The following CHCHD3 variants were observed in gnomAD, a reference collection of about 807,000 sequenced individuals.
CHCHD3 encodes coiled-coil-helix-coiled-coil-helix domain containing 3, also known as MICOS complex subunit MIC19.
In CHCHD3, 20 loss-of-function variants were observed where a neutral mutation model predicts 38.2. The ratio of observed to expected loss-of-function variants is 0.52; its 90% CI spans 0.37 to 0.76. The LOEUF (loss-of-function observed/expected upper bound fraction) is 0.76, where lower values mean the gene tolerates loss of function less well. Ranked by LOEUF, CHCHD3 falls within the 30% of genes least tolerant of loss-of-function variation. The probability of loss-of-function intolerance (pLI) is 0.00; values close to 1 mark genes in which losing one functional copy is unlikely to be tolerated. For synonymous variants in CHCHD3, 82 were observed against 100.0 expected (o/e 0.82, Z 1.07); for missense variants, 245 against 279.2 (o/e 0.88, Z 0.87).
Position 132,970,812 on chromosome 7 carries a change from G to A in CHCHD3, c.369+4357C>T, listed in dbSNP as rs571035107. Reference sequence around the variant, plus strand: ...AGAAAATACTACATAGTTCTGTGATGATAACAAGAAATATGTGGCTGGGCA... The same window carrying A: ...AGAAAATACTACATAGTTCTGTGATAATAACAAGAAATATGTGGCTGGGCA... On this transcript the variant is annotated intron_variant, in intron 4 of 7. Transcript: ENST00000262570. Among the ~76,000 whole-genome samples the A allele has an allele frequency of 5.9e-5, 9 of 152,070 alleles. No homozygotes were observed. The East Asian group carries it at 1.5e-3, about 26-fold the overall frequency.
chr7:132,898,417 C>A (rs930487435), intron 4 of CHCHD3, among the ~76,000 whole-genome samples: 3 of 152,188 alleles, frequency 2.0e-5, no homozygotes, highest in African/African-American at 7.2e-5. Flanking sequence ...AGTGTGGACA[C>A]AAAGGTTCTC....
chr7:132,872,783 T>C (rs1036371431), intron 5 of CHCHD3, among the ~76,000 whole-genome samples: 5 of 152,088 alleles, frequency 3.3e-5, no homozygotes, highest in African/African-American at 9.7e-5. Flanking sequence ...ACAAAAAATG[T>C]CAGGCCCACC....
At chr7:132,993,196 G>A (rs1812328881) in intron 3 of CHCHD3, among the ~76,000 whole-genome samples, 1 of 152,178 alleles carries the variant, frequency 6.6e-6, no homozygotes, top group African/African-American at 2.4e-5. Context: ...GTGCCTCCTA[G>A]AATAAAGAGT....
At chr7:133,025,431 G>A (rs368663377) in intron 2 of CHCHD3, among the ~76,000 whole-genome samples, 6 of 152,286 alleles carry the variant, frequency 3.9e-5, no homozygotes, top group East Asian at 1.9e-4. Context: ...CCAAAATTAC[G>A]AACAAGAAAG....
intron 3 of CHCHD3, among the ~76,000 whole-genome samples, chr7:133,013,738 T>A (rs1812948520): frequency 6.6e-6 from 1 of 152,108 alleles, no homozygotes; most frequent in Admixed American, 6.6e-5. Context: ...AAAAACAAAA[T>A]GATAAATAAT....
chr7:132,794,024 T>C, intron 7 of CHCHD3, among the ~76,000 whole-genome samples: 1 of 152,186 alleles, frequency 6.6e-6, no homozygotes, highest in East Asian at 1.9e-4. Context: ...GAAACACTGA[T>C]AGAAGCTCCT....
chr7:133,005,195 GGTTATTTTT>G (rs933986334), intron 3 of CHCHD3, among the ~76,000 whole-genome samples: 1 of 151,996 alleles, frequency 6.6e-6, no homozygotes, highest in African/African-American at 2.4e-5. Context: ...CCCAATTCTG[GGTTATTTTT>G]GTTATCAAAC....
At chr7:132,962,007 G>A (rs551463547) in intron 4 of CHCHD3, among the ~76,000 whole-genome samples, 160 of 152,260 alleles carry the variant, frequency 1.1e-3, no homozygotes, top group African/African-American at 3.6e-3. Flanking sequence ...CAACAAACAC[G>A]TATTAGCAGA....
At chr7:133,062,976 T>C (rs1242323377) in intron 2 of CHCHD3, among the ~76,000 whole-genome samples, 1 of 152,224 alleles carries the variant, frequency 6.6e-6, no homozygotes, top group Non-Finnish European at 1.5e-5. Context: ...GATCGGAAGA[T>C]GTAACTCACT....
chr7:132,969,553 A>C (rs1240830143), intron 4 of CHCHD3, among the ~76,000 whole-genome samples: 2 of 152,210 alleles, frequency 1.3e-5, no homozygotes, highest in Non-Finnish European at 2.9e-5. Flanking sequence ...ATTTCAAATG[A>C]TATGAAGTTA....
chr7:133,037,941 C>T (rs912226012), intron 2 of CHCHD3, among the ~76,000 whole-genome samples: 2 of 152,188 alleles, frequency 1.3e-5, no homozygotes, highest in Admixed American at 6.5e-5. Flanking sequence ...ACCAAGAACA[C>T]ATTTTTACTT....
chr7:132,935,387 T>C (rs1366482123), intron 4 of CHCHD3, among the ~76,000 whole-genome samples: 1 of 152,104 alleles, frequency 6.6e-6, no homozygotes, highest in Non-Finnish European at 1.5e-5. Flanking sequence ...ATTTTTAATA[T>C]GAAAATACAA....
intron 4 of CHCHD3, among the ~76,000 whole-genome samples, chr7:132,950,831 AAT>A (rs1291368302): frequency 6.6e-6 from 1 of 152,204 alleles, no homozygotes; most frequent in African/African-American, 2.4e-5. Context: ...CTACATTTAA[AAT>A]TCCTCATCTC....
At chr7:133,027,804 T>C (rs1376273072) in intron 2 of CHCHD3, among the ~76,000 whole-genome samples, 3 of 152,080 alleles carry the variant, frequency 2.0e-5, no homozygotes, top group African/African-American at 4.8e-5. Flanking sequence ...TATGAAAGTA[T>C]GAAAGATTTT....
chr7:133,023,928 A>G (rs1813261338), intron 3 of CHCHD3, among the ~76,000 whole-genome samples: 1 of 152,206 alleles, frequency 6.6e-6, no homozygotes, highest in Non-Finnish European at 1.5e-5. Context: ...AAACACTTCA[A>G]TGAACATTCT....
chr7:133,037,795 G>A (rs1348568375), intron 2 of CHCHD3, among the ~76,000 whole-genome samples: 5 of 152,150 alleles, frequency 3.3e-5, no homozygotes, highest in Non-Finnish European at 7.3e-5. Context: ...CCTGGCGACA[G>A]AGCGAGAGAC....
At chr7:133,043,813 G>A (rs187282547) in intron 2 of CHCHD3, among the ~76,000 whole-genome samples, 1 of 152,202 alleles carries the variant, frequency 6.6e-6, no homozygotes, top group Admixed American at 6.5e-5. Context: ...TAAAATTGGG[G>A]GAGGATAGTT....
chr7:132,873,302 C>T (rs11772506), intron 5 of CHCHD3, among the ~76,000 whole-genome samples: 1 of 151,946 alleles, frequency 6.6e-6, no homozygotes, highest in Non-Finnish European at 1.5e-5. Context: ...CAACTGGTTG[C>T]CTGGCAAAGA....
chr7:132,831,479 A>G (rs1206525813), intron 6 of CHCHD3, among the ~76,000 whole-genome samples: 1 of 152,208 alleles, frequency 6.6e-6, no homozygotes, highest in Non-Finnish European at 1.5e-5. Flanking sequence ...AGCTGCAGAT[A>G]CAAATACACG....
Sources: gnomAD v4.1 joint callset for allele counts (sites outside exome capture counted in the v4.1 genomes callset) on GRCh38, gnomAD v4.1.1 for gene constraint, MANE v1.5 for transcripts, NCBI Gene and HGNC (gene_info 2026-07-23, HGNC 2026-07-21) for gene names.